PCDHA6: variants seen among roughly 807,000 people sequenced by gnomAD.
The protein encoded by PCDHA6 is protocadherin alpha-6.
In PCDHA6, 55 loss-of-function variants were observed where a neutral mutation model predicts 60.3. The ratio of observed to expected loss-of-function variants is 0.91; its 90% CI spans 0.73 to 1.14. PCDHA6 has a LOEUF of 1.14. Among genes scored for constraint, PCDHA6 ranks in the 50% most tolerant of loss-of-function variants. The probability of loss-of-function intolerance (pLI) is 0.00; values close to 1 mark genes in which losing one functional copy is unlikely to be tolerated. For missense variants in PCDHA6, 1,327 were observed against 1,256.5 expected (o/e 1.06, Z -0.85); for synonymous variants, 652 against 557.9 (o/e 1.17, Z -2.38).
At chr5:140,899,035 G>C (rs2067107583) in intron 1 of PCDHA6, among the ~76,000 whole-genome samples, 1 of 151,908 alleles carries the variant, frequency 6.6e-6, no homozygotes, top group African/African-American at 2.4e-5. Context: ...TTTGTACATT[G>C]ATTTTGTATC....
At position 140,843,609 on chromosome 5, in the gene PCDHA6, G is replaced by C. The variant is rs145975691; in HGVS notation, c.2394+13124G>C. 647 of 1,595,902 alleles carry C rather than the reference G, an allele frequency of 4.1e-4. 69 individuals are homozygous for C. The highest frequency in any genetic ancestry group is 5.3e-4 in the Non-Finnish European group (622 of 1,165,530). On this transcript the variant is annotated intron_variant, in intron 1 of 3. Coordinates refer to ENST00000529310, the MANE Select transcript of PCDHA6 (RefSeq NM_018909.4). ...CCGCAGAGGGTGTGCTCTGGTGAGG[G>C]GCCACCGAAGACGGACCTCATGGCC...
chr5:140,906,238 C>T (rs1309828775), intron 1 of PCDHA6, among the ~76,000 whole-genome samples: 2 of 152,186 alleles, frequency 1.3e-5, no homozygotes, highest in Non-Finnish European at 2.9e-5. Flanking sequence ...CCCTTGTCAA[C>T]TTGAACCCAT....
chr5:140,965,999 A>T (rs1300275113), intron 1 of PCDHA6, among the ~76,000 whole-genome samples: 1 of 152,140 alleles, frequency 6.6e-6, no homozygotes, highest in Non-Finnish European at 1.5e-5. Context: ...AGTACTTAAG[A>T]GTGTCCAGGG....
At chr5:140,841,306 GAAACGACT>G in intron 1 of PCDHA6, 2 of 1,580,012 alleles carry the variant, frequency 1.3e-6, no homozygotes, top group Non-Finnish European at 1.7e-6. Flanking sequence ...TTTCTGATAG[GAAACGACT>G]ATTTAACATG....
At position 140,862,713 on chromosome 5, in the gene PCDHA6, C is replaced by A. The variant is rs573467283; in HGVS notation, c.2394+32228C>A. 517 of 561,852 alleles carry A rather than the reference C, an allele frequency of 9.2e-4. 1 individual carries two copies. The highest frequency in any genetic ancestry group is 1.7e-3 in the Non-Finnish European group (476 of 284,834). 34.8% of individuals were successfully genotyped at this position (561,852 alleles called of 1,614,324 possible). ...ACTCGTTGATGGAACAGCGGGTGGG[C>A]GAGTGCGCGCTGTCTAGCTATGTGT... On this transcript the variant is annotated intron_variant, in intron 1 of 3. Transcript: ENST00000529310.
intron 1 of PCDHA6, chr5:140,842,088 A>T: frequency 6.2e-7 from 1 of 1,613,938 alleles, no homozygotes. Context: ...GAAAACGCAG[A>T]CAACGGAACA....
chr5:141,002,095 C>G (rs1341792848), intron 3 of PCDHA6, among the ~76,000 whole-genome samples: 1 of 152,234 alleles, frequency 6.6e-6, no homozygotes, highest in Non-Finnish European at 1.5e-5. Flanking sequence ...AGTCCAGGGG[C>G]TGGGCCGGAA....
At chr5:140,928,739 G>A in intron 1 of PCDHA6, 1 of 1,614,148 alleles carries the variant, frequency 6.2e-7, no homozygotes, top group African/African-American at 1.3e-5. Flanking sequence ...GCCAATATAG[G>A]TGAGCTCCGT....
intron 1 of PCDHA6, among the ~76,000 whole-genome samples, chr5:140,949,990 C>T (rs2094438709): frequency 6.6e-6 from 1 of 151,832 alleles, no homozygotes; most frequent in Non-Finnish European, 1.5e-5. Context: ...TAACTTTTCT[C>T]AGTCCACTTA....
At chr5:140,969,963 AT>A (rs2096372822) in intron 1 of PCDHA6, among the ~76,000 whole-genome samples, 1 of 152,204 alleles carries the variant, frequency 6.6e-6, no homozygotes. Context: ...CTTTGGCTGT[AT>A]GATGTGGCAA....
chr5:140,842,286 C>T lies in PCDHA6; in HGVS notation c.2394+11801C>T, dbSNP rs1554138940. 21 of 1,610,290 alleles carry T rather than the reference C, an allele frequency of 1.3e-5. 1 individual carries two copies. The highest frequency in any genetic ancestry group is 1.5e-5 in the Non-Finnish European group (18 of 1,176,908). On this transcript the variant is annotated intron_variant, in intron 1 of 3. Transcript: ENST00000529310. ...AACTTATACAAAATCCTCATTGACG[C>T]CACGGACAAAGGCCATCCTCCCATG...
intron 1 of PCDHA6, chr5:140,868,480 T>G (rs1562616906): frequency 6.6e-6 from 1 of 152,316 alleles, no homozygotes. Flanking sequence ...AAACTTCAAT[T>G]TTTTCTTTGA....
At chr5:140,880,514 TC>T (rs1459255635) in intron 1 of PCDHA6, among the ~76,000 whole-genome samples, 1 of 152,198 alleles carries the variant, frequency 6.6e-6, no homozygotes, top group Non-Finnish European at 1.5e-5. Context: ...TTTGGTCACA[TC>T]TCTCAATGTG....
intron 1 of PCDHA6, chr5:140,842,500 C>T: frequency 1.9e-6 from 3 of 1,613,834 alleles, no homozygotes; most frequent in Middle Eastern, 1.6e-4. Context: ...TGCCCCATGT[C>T]CCCTTCAAGC....
At chr5:140,958,278 T>A (rs1445019557) in intron 1 of PCDHA6, among the ~76,000 whole-genome samples, 1 of 152,090 alleles carries the variant, frequency 6.6e-6, no homozygotes, top group Non-Finnish European at 1.5e-5. Flanking sequence ...GAAGTATATA[T>A]TTTAAATATT....
intron 1 of PCDHA6, chr5:140,843,536 C>G: frequency 6.3e-7 from 1 of 1,595,956 alleles, no homozygotes; most frequent in Non-Finnish European, 8.6e-7. Context: ...CAAGCCCACT[C>G]TGGTGTGCTC....
rs781992926 is a variant in PCDHA6 at position 140,990,008 on chromosome 5, G to A, written c.2542+7445G>A. On this transcript the variant is annotated intron_variant, in intron 3 of 3. Coordinates refer to ENST00000529310, the MANE Select transcript of PCDHA6 (RefSeq NM_018909.4). ...CCTGAAATTGTCTATCTCCAAGGGCGTGGGCTAGGCAAAGGATGGGAGAAG... is the reference window on the plus strand; with the variant it reads ...CCTGAAATTGTCTATCTCCAAGGGCATGGGCTAGGCAAAGGATGGGAGAAG... Among the ~76,000 whole-genome samples the A allele has an allele frequency of 2.8e-4, 43 of 152,230 alleles. 1 individual carries two copies. The highest frequency in any genetic ancestry group is 9.1e-4 in the African/African-American group (38 of 41,532).
rs2150182031 is a variant in PCDHA6 at position 140,830,152 on chromosome 5, G to C, written c.2061G>C (p.Ala687=). The change falls in exon 1 of 4, where the codon GCG becomes GCC. Residue 687 remains alanine, a synonymous_variant. Coordinates refer to ENST00000529310, the MANE Select transcript of PCDHA6 (RefSeq NM_018909.4). ...KASSRASVGA[A]GPEAALVDVN... ...CATCACGGGCGTCGGTGGGCGCCGC[G>C]GGCCCAGAGGCGGCGCTGGTGGATG... The C allele has an allele frequency of 1.9e-6, 3 of 1,613,316 alleles. No individual in the cohort carries two copies. Among genetic ancestry groups the C allele is most frequent in the East Asian group, 4.5e-5 (2 of 44,860 alleles).
At chr5:140,867,360 T>C (rs1172405251) in intron 1 of PCDHA6, 1 of 152,152 alleles carries the variant, frequency 6.6e-6, no homozygotes, top group Non-Finnish European at 1.5e-5. Flanking sequence ...TTGATTATTT[T>C]ACAGATGCGT....
Sources: allele counts gnomAD v4.1 joint callset (sites outside exome capture counted in the v4.1 genomes callset), GRCh38; gene constraint gnomAD v4.1.1; transcripts MANE v1.5; gene names NCBI Gene and HGNC (gene_info 2026-07-23, HGNC 2026-07-21).